Variants in ATRN observed in about 807,000 individuals in gnomAD.
The protein encoded by ATRN is attractin.
Under a neutral mutation model 178.7 loss-of-function variants are expected in ATRN, and 54 were observed. The observed-to-expected ratio is 0.30, with a 90% CI of 0.24 to 0.38. The LOEUF (loss-of-function observed/expected upper bound fraction) is 0.38, where lower values mean the gene tolerates loss of function less well. ATRN is among the 10% of genes least tolerant of loss of function. ATRN has a pLI of 1.00. For synonymous variants in ATRN, 636 were observed against 663.0 expected (o/e 0.96, Z 0.63); for missense variants, 1,443 against 1,815.1 (o/e 0.79, Z 3.73).
intron 1 of ATRN, among the ~76,000 whole-genome samples, chr20:3,494,883 T>G (rs1376053134): frequency 6.6e-6 from 1 of 152,150 alleles, no homozygotes; most frequent in East Asian, 1.9e-4. Flanking sequence ...AGCAAAGGAC[T>G]TGTCCATTGC....
chr20:3,528,067 AAAAC>A (rs1401204900), intron 1 of ATRN, among the ~76,000 whole-genome samples: 2 of 151,980 alleles, frequency 1.3e-5, no homozygotes, highest in Admixed American at 6.6e-5. Context: ...TTAAAGTATA[AAAAC>A]AAACAAAAAA....
Position 3,559,493 on chromosome 20 carries a change from C to T in ATRN, c.1203+10C>T, listed in dbSNP as rs754302600. Reference sequence around the variant, plus strand: ...TTTGGCATTATACAAGGTAAAGCATCTCCACTCTGTGCTAAGCAAGAAACT... The same window carrying T: ...TTTGGCATTATACAAGGTAAAGCATTTCCACTCTGTGCTAAGCAAGAAACT... On this transcript the variant is annotated intron_variant, in intron 7 of 28. Coordinates refer to ENST00000262919, the MANE Select transcript of ATRN (RefSeq NM_139321.3). The T allele has an allele frequency of 1.3e-6, 2 of 1,599,578 alleles. No homozygotes were observed. The highest frequency in any genetic ancestry group is 2.7e-5 in the African/African-American group (2 of 74,600).
intron 2 of ATRN, among the ~76,000 whole-genome samples, chr20:3,537,610 C>T (rs2085556109): frequency 6.6e-6 from 1 of 151,048 alleles, no homozygotes; most frequent in Non-Finnish European, 1.5e-5. Context: ...GTGCTGCACC[C>T]ATTAACTCAT....
At position 3,632,479 on chromosome 20, in the gene ATRN, C is replaced by A. The variant is rs1600170554; in HGVS notation, c.3864-1832C>A. ...CCTCCTGAGGCTCCCCAAGCCATCC[C>A]AGGCACGGCCTTGCCTCGGGCTTTG... On this transcript the variant is annotated intron_variant, in intron 25 of 28. Coordinates refer to ENST00000262919, the MANE Select transcript of ATRN (RefSeq NM_139321.3). The surrounding 1 kb of genome is among the most constrained non-coding windows in gnomAD (Gnocchi z 4.2). Among the ~76,000 whole-genome samples the A allele has an allele frequency of 6.6e-6, 1 of 152,196 alleles. No individual in the cohort carries two copies. The highest frequency in any genetic ancestry group is 6.5e-5 in the Admixed American group (1 of 15,278).
At chr20:3,476,033 T>A (rs1054602930) in intron 1 of ATRN, among the ~76,000 whole-genome samples, 2 of 152,100 alleles carry the variant, frequency 1.3e-5, no homozygotes, top group Non-Finnish European at 2.9e-5. Context: ...TGGTCCCAGC[T>A]ACATGGGAGG....
chr20:3,638,956 TC>T lies in ATRN; in HGVS notation c.4050+24del, dbSNP rs1419652243. The T allele has an allele frequency of 6.3e-7, 1 of 1,594,518 alleles. No individual in the cohort carries two copies. Among genetic ancestry groups the T allele is most frequent in the Admixed American group, 1.7e-5 (1 of 58,080 alleles). The stretch of plus-strand genomic sequence containing the variant: ...TAAAGGTGAGAATGTGACTCAGAAG[TC>T]CCTATAACTTGACTTTTTAAAACTT... On this transcript the variant is annotated intron_variant, in intron 27 of 28. Transcript: ENST00000262919. The surrounding 1 kb of genome is among the most constrained non-coding windows in gnomAD (Gnocchi z 4.5).
Position 3,493,687 on chromosome 20 carries a change from A to G in ATRN, c.410+22170A>G, listed in dbSNP as rs55817038. Reference sequence around the variant, plus strand: ...TTCTTGAACCAAGCTAGGCATCCACACGGCACCTATTCATCTGAGGGGATA... The same window carrying G: ...TTCTTGAACCAAGCTAGGCATCCACGCGGCACCTATTCATCTGAGGGGATA... On this transcript the variant is annotated intron_variant, in intron 1 of 28. Coordinates refer to ENST00000262919, the MANE Select transcript of ATRN (RefSeq NM_139321.3). 8.6e-3 allele frequency among the ~76,000 whole-genome samples: 1,316 copies of G among 152,276 alleles called. 9 individuals are homozygous for G. Among genetic ancestry groups the G allele is most frequent in the Non-Finnish European group, 0.014 (937 of 68,016 alleles).
At chr20:3,518,483 A>G (rs2085237053) in intron 1 of ATRN, among the ~76,000 whole-genome samples, 1 of 152,224 alleles carries the variant, frequency 6.6e-6, no homozygotes, top group Non-Finnish European at 1.5e-5. Flanking sequence ...AAGGTAGACT[A>G]ATGCTTGCTG....
chr20:3,619,083 G>A (rs1400575908), intron 24 of ATRN, among the ~76,000 whole-genome samples: 1 of 152,238 alleles, frequency 6.6e-6, no homozygotes, highest in Non-Finnish European at 1.5e-5. Context: ...TTGGGAGCCT[G>A]CGGAGATTCT....
Position 3,584,670 on chromosome 20 carries a change from A to G in ATRN, c.2974A>G (p.Thr992Ala), listed in dbSNP as rs1371074023. 6.2e-7 allele frequency: 1 copy of G among 1,613,708 alleles called. No individual in the cohort carries two copies. The highest frequency in any genetic ancestry group is 1.3e-5 in the African/African-American group (1 of 74,836). The change falls in exon 18 of 29, where the codon ACC becomes GCC. Residue 992 changes from threonine (T) to alanine (A), a missense_variant. By Grantham distance (58) the Thr-to-Ala change is moderately conservative. This residue lies in a region of ATRN where 212 missense variants were observed against 330.7 expected (regional missense o/e 0.64). Coordinates refer to ENST00000262919, the MANE Select transcript of ATRN (RefSeq NM_139321.3). ...AGCTGAAAATTGTTCAGGCTACTGT[A>G]CCTGTAGTCATTGCTTGGAGCAACC... is the stretch of plus-strand genomic sequence containing the variant. ...CPPENCSGYCTCSHCLEQPGC... is the reference protein window; with the variant it reads ...CPPENCSGYCACSHCLEQPGC...
chr20:3,635,138 C>T (rs2087016053), intron 26 of ATRN, among the ~76,000 whole-genome samples: 1 of 151,744 alleles, frequency 6.6e-6, no homozygotes, highest in African/African-American at 2.4e-5. Context: ...TATATTCTCA[C>T]TTACAAGTGG....
chr20:3,629,364 C>G, intron 25 of ATRN: 1 of 928,872 alleles, frequency 1.1e-6, no homozygotes, highest in Non-Finnish European at 1.3e-6. Flanking sequence ...CCAGGACCAT[C>G]TCCTATGTCT....
intron 21 of ATRN, among the ~76,000 whole-genome samples, chr20:3,596,740 T>TG (rs2086534458): frequency 4.6e-5 from 7 of 152,264 alleles, no homozygotes; most frequent in South Asian, 2.1e-4. Flanking sequence ...ATTACCTAGT[T>TG]GGGGTCATCA....
intron 14 of ATRN, among the ~76,000 whole-genome samples, chr20:3,577,790 T>G (rs2086232127): frequency 6.6e-6 from 1 of 152,168 alleles, no homozygotes; most frequent in Admixed American, 6.5e-5. Flanking sequence ...AGTGTGCATT[T>G]TATCTAGTCG....
chr20:3,488,228 AT>A (rs755043559), intron 1 of ATRN, among the ~76,000 whole-genome samples: 2 of 151,734 alleles, frequency 1.3e-5, no homozygotes, highest in Non-Finnish European at 1.5e-5. Flanking sequence ...AAATGTATTG[AT>A]TTTTTTCCCT....
intron 25 of ATRN, among the ~76,000 whole-genome samples, chr20:3,628,208 C>T (rs1240000753): frequency 2.0e-5 from 3 of 152,132 alleles, no homozygotes; most frequent in African/African-American, 4.8e-5. Context: ...TCATCTTAAT[C>T]AATGGAGGAG....
In ATRN at chr20:3,582,094, G is replaced by A. The variant is rs1045212869; in HGVS notation, c.2545-41G>A. On this transcript the variant is annotated intron_variant, in intron 15 of 28. Transcript: ENST00000262919. ...ATCTCCAAAATTTAAATTAAAAAAA[G>A]ATACTATCTGTATTCATAGTTGTGT... The A allele has an allele frequency of 2.6e-6, 4 of 1,549,004 alleles. No individual in the cohort carries two copies. In the East Asian group the frequency reaches 9.0e-5, roughly 35 times the overall value.
chr20:3,493,688 C>A (rs574952021), intron 1 of ATRN, among the ~76,000 whole-genome samples: 1 of 152,114 alleles, frequency 6.6e-6, no homozygotes, highest in Non-Finnish European at 1.5e-5. Flanking sequence ...GGCATCCACA[C>A]GGCACCTATT....
chr20:3,575,516 AT>A (rs1034829183), intron 12 of ATRN, among the ~76,000 whole-genome samples: 5 of 149,746 alleles, frequency 3.3e-5, no homozygotes, highest in African/African-American at 9.8e-5. Context: ...TTACTAGTTG[AT>A]TTTTTTTTTC....
Sources: allele counts gnomAD v4.1 joint callset (sites outside exome capture counted in the v4.1 genomes callset), GRCh38; gene constraint gnomAD v4.1.1; regional missense constraint gnomAD v4.1.1; non-coding constraint Gnocchi (gnomAD v3.1); transcripts MANE v1.5; gene names NCBI Gene and HGNC (gene_info 2026-07-23, HGNC 2026-07-21).